VLDLR: variants seen among roughly 807,000 people sequenced by gnomAD.
VLDLR encodes the protein very low density lipoprotein receptor.
In VLDLR, 81 loss-of-function variants were observed where a neutral mutation model predicts 112.7. The ratio of observed to expected loss-of-function variants is 0.72; its 90% CI spans 0.60 to 0.86. The LOEUF (loss-of-function observed/expected upper bound fraction) is 0.86, where lower values mean the gene tolerates loss of function less well. VLDLR is among the 40% of genes least tolerant of loss of function. The pLI is 0.00. For synonymous variants in VLDLR, 436 were observed against 384.8 expected, an observed-to-expected ratio of 1.13 and a Z score of -1.56; for missense variants, 1,237 against 1,099.4, an observed-to-expected ratio of 1.13 and a Z score of -1.77.
rs532730607 is a variant in VLDLR, at chr9:2,655,474, C to T, written c.*1606C>T. Reference sequence around the variant, plus strand: ...ATTCCTCTGGAATTAAATGACCGACCAACACAGTACCAAGAGGATGAAGAG... The same window carrying T: ...ATTCCTCTGGAATTAAATGACCGACTAACACAGTACCAAGAGGATGAAGAG... On this transcript the variant is annotated 3_prime_UTR_variant, in exon 19 of 19. Coordinates refer to ENST00000382100, the MANE Select transcript of VLDLR (RefSeq NM_003383.5). The T allele has an allele frequency of 5.3e-5, 8 of 152,218 alleles. No individual in the cohort carries two copies. The South Asian group carries it at 1.7e-3, about 32-fold the overall frequency. The allele number at this position is 152,218 out of a possible 1,614,324, so 9.4% of individuals were successfully genotyped here.
chr9:2,624,193 A>G (rs980447587), intron 1 of VLDLR, among the ~76,000 whole-genome samples: 1 of 152,204 alleles, frequency 6.6e-6, no homozygotes, highest in Non-Finnish European at 1.5e-5. Context: ...GAAATATTTG[A>G]CATGCCATGA....
At chr9:2,624,789 A>G (rs1235445601) in intron 1 of VLDLR, among the ~76,000 whole-genome samples, 1 of 152,214 alleles carries the variant, frequency 6.6e-6, no homozygotes, top group Admixed American at 6.5e-5. Context: ...CCCCTTATCA[A>G]AGACTGATCA....
intron 14 of VLDLR, among the ~76,000 whole-genome samples, 158 bp downstream of exon 14, chr9:2,648,968 T>C (rs1383919684): frequency 6.6e-6 from 1 of 152,236 alleles, no homozygotes; most frequent in East Asian, 1.9e-4. Context: ...GTTATTTTTT[T>C]ATTTCTGCTG....
chr9:2,637,698 T>G (rs1817653208), intron 2 of VLDLR, among the ~76,000 whole-genome samples: 1 of 152,148 alleles, frequency 6.6e-6, no homozygotes, highest in South Asian at 2.1e-4. Flanking sequence ...TCCCAGCACT[T>G]TGGGCGGCCT....
Position 2,643,321 on chromosome 9 carries a change from T to C in VLDLR, c.610T>C (p.Ser204Pro). 6.2e-7 allele frequency: 1 copy of C among 1,614,090 alleles called. No homozygotes were observed. The highest frequency in any genetic ancestry group is 8.5e-7 in the Non-Finnish European group (1 of 1,179,964). ...GAHEFQCSTSSCIPISWVCDD... is the reference protein window; with the variant it reads ...GAHEFQCSTSPCIPISWVCDD... ...CCATGAGTTCCAGTGCAGCACCTCCTCCTGCATCCCCATCAGCTGGGTATG... is the reference window on the plus strand; with the variant it reads ...CCATGAGTTCCAGTGCAGCACCTCCCCCTGCATCCCCATCAGCTGGGTATG... Residue 204 changes from serine to proline, a missense_variant, in exon 5 of 19, where the codon TCC becomes CCC. Transcript: ENST00000382100.
chr9:2,649,370 G>T (rs569783581), intron 14 of VLDLR, among the ~76,000 whole-genome samples: 2 of 151,794 alleles, frequency 1.3e-5, no homozygotes, highest in African/African-American at 4.8e-5. Context: ...GTATATGCTC[G>T]TGTCCAGCTT....
At chr9:2,624,785 A>T (rs1817014128) in intron 1 of VLDLR, among the ~76,000 whole-genome samples, 2 of 152,210 alleles carry the variant, frequency 1.3e-5, no homozygotes. Context: ...AGTACCCCTT[A>T]TCAAAGACTG....
At chr9:2,628,127 G>C (rs573456822) in intron 1 of VLDLR, among the ~76,000 whole-genome samples, 1 of 152,298 alleles carries the variant, frequency 6.6e-6, no homozygotes, top group South Asian at 2.1e-4. Context: ...TAGGATGTCA[G>C]GCACCAGGTC....
Position 2,657,337 on chromosome 9 carries a change from T to A in VLDLR, c.*3469T>A, listed in dbSNP as rs1268579472. ...AACTTGCAAAAAGCAGATATACTTTTGCTAATTTAAGTTGAAGTACTATGA... is the reference window on the plus strand; with the variant it reads ...AACTTGCAAAAAGCAGATATACTTTAGCTAATTTAAGTTGAAGTACTATGA... On this transcript the variant is annotated 3_prime_UTR_variant, in exon 19 of 19. Coordinates refer to ENST00000382100, the MANE Select transcript of VLDLR (RefSeq NM_003383.5). 1 of 152,236 alleles carries A rather than the reference T, an allele frequency of 6.6e-6. No individual in the cohort carries two copies. The highest frequency in any genetic ancestry group is 2.4e-5 in the African/African-American group (1 of 41,468). The allele number at this position is 152,236 out of a possible 1,614,324, so 9.4% of individuals were successfully genotyped here.
intron 2 of VLDLR, among the ~76,000 whole-genome samples, chr9:2,637,174 G>C (rs933785207): frequency 2.2e-4 from 33 of 152,208 alleles, no homozygotes; most frequent in African/African-American, 7.0e-4. Flanking sequence ...GGGAAGGTCT[G>C]AGTGCTTACT....
Position 2,646,400 on chromosome 9 carries a change from C to T in VLDLR, c.1551C>T (p.Ala517=), listed in dbSNP as rs1818073311. The change falls in exon 11 of 19, where the codon GCC becomes GCT. Residue 517 remains alanine (A), a synonymous_variant. Transcript: ENST00000382100. ...KMIDNVYNPA[A]IAVDWVYKTI... ...TCGACAATGTCTATAATCCTGCAGC[C>T]ATTGCTGTTGATTGGGTGTACAAGA... The T allele has an allele frequency of 6.2e-7, 1 of 1,613,996 alleles. No homozygotes were observed. The highest frequency in any genetic ancestry group is 8.5e-7 in the Non-Finnish European group (1 of 1,180,018).
intron 1 of VLDLR, among the ~76,000 whole-genome samples, chr9:2,630,109 A>G (rs993482369): frequency 1.3e-5 from 2 of 152,106 alleles, no homozygotes; most frequent in South Asian, 4.1e-4. Context: ...TGGTTCTTAC[A>G]ATGTTTCAGA....
chr9:2,649,305 C>G (rs1733740837), intron 14 of VLDLR, among the ~76,000 whole-genome samples: 1 of 152,192 alleles, frequency 6.6e-6, no homozygotes, highest in African/African-American at 2.4e-5. Flanking sequence ...CAGGCCTCTT[C>G]TTGGTCTGTT....
chr9:2,640,805 G>A (rs10967306), intron 3 of VLDLR, among the ~76,000 whole-genome samples: 13,247 of 152,256 alleles, frequency 0.087, 704 homozygotes, highest in South Asian at 0.21. Context: ...CAAGGCAAGT[G>A]AGTTCAAGGC....
intron 18 of VLDLR, among the ~76,000 whole-genome samples, chr9:2,653,406 C>G (rs1818441999): frequency 6.6e-6 from 1 of 152,174 alleles, no homozygotes; most frequent in Non-Finnish European, 1.5e-5. Context: ...GCTAGCTTTT[C>G]TTCCAGCAAT....
chr9:2,659,227 T>C lies in VLDLR; in HGVS notation c.*5359T>C, dbSNP rs1007730474. 6.6e-6 allele frequency: 1 copy of C among 152,228 alleles called. No individual in the cohort carries two copies. The highest frequency in any genetic ancestry group is 6.5e-5 in the Admixed American group (1 of 15,280). 9.4% of individuals were successfully genotyped at this position (152,228 alleles called of 1,614,324 possible). On this transcript the variant is annotated 3_prime_UTR_variant, in exon 19 of 19. Transcript: ENST00000382100. Reference sequence around the variant, plus strand: ...ACAAACAATCTATGGTTCCAAATCCTATGTGCTTACTGCCGTCTTCTCTTA... The same window carrying C: ...ACAAACAATCTATGGTTCCAAATCCCATGTGCTTACTGCCGTCTTCTCTTA...
intron 17 of VLDLR, 42 bp downstream of exon 17, chr9:2,651,996 G>A (rs765413219): frequency 6.3e-7 from 1 of 1,593,698 alleles, no homozygotes; most frequent in Admixed American, 1.7e-5. Context: ...GAACTTCTTA[G>A]ATACCAGATG....
At chr9:2,653,252 T>A (rs892085022) in intron 18 of VLDLR, among the ~76,000 whole-genome samples, 1 of 152,206 alleles carries the variant, frequency 6.6e-6, no homozygotes, top group Non-Finnish European at 1.5e-5. Context: ...AACTATTAAA[T>A]CCATTGCCTA....
chr9:2,652,567 T>G (rs1415958022), intron 17 of VLDLR, among the ~76,000 whole-genome samples: 1 of 152,202 alleles, frequency 6.6e-6, no homozygotes. Flanking sequence ...TGGATGGATG[T>G]GGCTAGTCCA....
Sources: allele counts gnomAD v4.1 joint callset (sites outside exome capture counted in the v4.1 genomes callset), GRCh38; gene constraint gnomAD v4.1.1; transcripts MANE v1.5; gene names NCBI Gene and HGNC (gene_info 2026-07-23, HGNC 2026-07-21).